Variants in SLC9A6 observed in about 807,000 individuals in gnomAD.
SLC9A6 encodes the protein solute carrier family 9 member A6.
In SLC9A6, 6 loss-of-function variants were observed where a neutral mutation model predicts 45.3. The observed-to-expected ratio is 0.13, with a 90% CI of 0.07 to 0.26. The LOEUF (loss-of-function observed/expected upper bound fraction) is 0.26, where lower values mean the gene tolerates loss of function less well. SLC9A6 is among the 10% of genes least tolerant of loss of function. The pLI is 1.00. For missense variants in SLC9A6, 278 were observed against 503.7 expected (o/e 0.55, Z 4.29); for synonymous variants, 191 against 187.7 (o/e 1.02, Z -0.14).
intron 16 of SLC9A6, among the ~76,000 whole-genome samples, chrX:136,034,284 C>T (rs1261995233): frequency 9.1e-6 from 1 of 110,001 alleles, no homozygotes; most frequent in Admixed American, 9.7e-5. Flanking sequence ...ACTGCACTTG[C>T]GAGGGATCTA....
At chrX:136,015,742 G>T (rs1793478213) in intron 10 of SLC9A6, among the ~76,000 whole-genome samples, 1 of 111,352 alleles carries the variant, frequency 9.0e-6, no homozygotes, top group Non-Finnish European at 1.9e-5. Context: ...TCATTTTTGG[G>T]TAATAAGGCA....
At chrX:136,039,034 T>A (rs1262876560) in intron 16 of SLC9A6, among the ~76,000 whole-genome samples, 1 of 111,121 alleles carries the variant, frequency 9.0e-6, no homozygotes, top group Non-Finnish European at 1.9e-5. Context: ...GACTTTCTCA[T>A]TTTTAACTGA....
rs781823089 is a variant in SLC9A6 at position 136,044,965 on chromosome X, G to T, written c.*241G>T. 7.5e-5 allele frequency: 28 copies of T among 375,303 alleles called. 1 individual carries two copies. Among genetic ancestry groups the T allele is most frequent in the Non-Finnish European group, 1.1e-4 (24 of 216,004 alleles). The allele number at this position is 375,303 out of a possible 1,213,427, so 30.9% of individuals were successfully genotyped here. ...TGTTTTAGGAAGTTACTTTCACAGT[G>T]ATGTTGTGTGTTCTGTTAGTTTTAT... On this transcript the variant is annotated 3_prime_UTR_variant, in exon 18 of 18. Transcript: ENST00000630721.
At chrX:136,014,860 A>G (rs1406703113) in intron 10 of SLC9A6, among the ~76,000 whole-genome samples, 1 of 113,037 alleles carries the variant, frequency 8.8e-6, no homozygotes, top group Non-Finnish European at 1.9e-5. Context: ...TTTAAGAAAT[A>G]TGAGGAATAG....
chrX:135,986,536 C>T (rs1317761641), intron 2 of SLC9A6, among the ~76,000 whole-genome samples: 1 of 111,171 alleles, frequency 9.0e-6, no homozygotes, highest in Admixed American at 9.6e-5. Flanking sequence ...TAAGGTCCTT[C>T]CAGAAGTATA....
At chrX:135,987,154 A>G (rs1400505793) in intron 2 of SLC9A6, among the ~76,000 whole-genome samples, 4 of 112,071 alleles carry the variant, frequency 3.6e-5, no homozygotes, top group African/African-American at 1.3e-4. Flanking sequence ...CGTGTAAAAT[A>G]TCTCTGCTCA....
At chrX:135,997,398 CTTTTTTTTTTTT>C (rs1180028983) in intron 3 of SLC9A6, among the ~76,000 whole-genome samples, 1 of 63,304 alleles carries the variant, frequency 1.6e-5, no homozygotes, top group Non-Finnish European at 2.9e-5. Flanking sequence ...CATGCTTTCT[CTTTTTTTTTTTT>C]TTTTTTTTTT....
chrX:135,989,932 G>A (rs781834944), intron 2 of SLC9A6, among the ~76,000 whole-genome samples: 2 of 111,238 alleles, frequency 1.8e-5, no homozygotes, highest in South Asian at 3.9e-4. Context: ...GTTTTGAGAC[G>A]CGTTAGGACC....
intron 15 of SLC9A6, among the ~76,000 whole-genome samples, chrX:136,030,627 T>C (rs1556621027): frequency 8.9e-6 from 1 of 111,763 alleles, no homozygotes; most frequent in Non-Finnish European, 1.9e-5. Flanking sequence ...CAGTCTTCCC[T>C]GCCTGCTCAG....
intron 14 of SLC9A6, 130 bp from the exon 15 acceptor site, chrX:136,030,002 G>C (rs2071291307): frequency 3.1e-6 from 2 of 654,256 alleles, no homozygotes; most frequent in African/African-American, 2.2e-5. Flanking sequence ...AACAGCTATA[G>C]AGAAGCAAGA....
intron 10 of SLC9A6, among the ~76,000 whole-genome samples, chrX:136,014,563 G>A (rs1170358100): frequency 4.4e-5 from 5 of 112,675 alleles, no homozygotes; most frequent in Non-Finnish European, 9.4e-5. Flanking sequence ...TCAGAAGTTC[G>A]AGACCAGCCT....
chrX:136,025,073 T>TA (rs1230094784), intron 13 of SLC9A6, among the ~76,000 whole-genome samples: 7 of 112,438 alleles, frequency 6.2e-5, no homozygotes, highest in Non-Finnish European at 1.3e-4. Context: ...CCAGGTCAGA[T>TA]AAAAAATTTG....
Position 135,985,474 on chromosome X carries a change from T to C in SLC9A6, c.-60T>C, listed in dbSNP as rs1057520373. On this transcript the variant is annotated 5_prime_UTR_variant, in exon 1 of 18. Coordinates refer to ENST00000630721, the MANE Select transcript of SLC9A6 (RefSeq NM_001379110.1). ...TGGTCCGACCGCGGGCGGCCGCCGG[T>C]GAGGTAGGGGCGGGAGGCGGGGGGA... 4.1e-5 allele frequency: 42 copies of C among 1,012,646 alleles called. No homozygotes were observed. In the Admixed American group the frequency reaches 1.2e-3, roughly 29 times the overall value. 83.5% of individuals were successfully genotyped at this position (1,012,646 alleles called of 1,213,427 possible). A position where few individuals can be genotyped will look rare whatever the true frequency, so the allele number is the denominator to read the frequency against.
rs2071177101 is a variant in SLC9A6, at chrX:136,023,654, G to A, written c.1307-676G>A. ...CAGGGGTTTGATGGAGTGACAAGAGGTTAGACTAAAAAAGGGTAATACAAA... is the reference window on the plus strand; with the variant it reads ...CAGGGGTTTGATGGAGTGACAAGAGATTAGACTAAAAAAGGGTAATACAAA... On this transcript the variant is annotated intron_variant, in intron 12 of 17. Transcript: ENST00000630721. Among the ~76,000 whole-genome samples, 7 of 110,006 alleles carry A rather than the reference G, an allele frequency of 6.4e-5. No individual in the cohort carries two copies. In the Admixed American group the frequency reaches 6.8e-4, roughly 11 times the overall value.
In SLC9A6 at chrX:135,989,166, G is replaced by A. The variant is rs566592786; in HGVS notation, c.169+3339G>A. Among the ~76,000 whole-genome samples, 12 of 111,264 alleles carry A rather than the reference G, an allele frequency of 1.1e-4. No homozygotes were observed. In the South Asian group the frequency reaches 4.5e-3, roughly 42 times the overall value. ...TTAAAAATAAGCTTTTCCTTTATCTGAGAAGCAGGAGTAAAAACAGTTTAA... is the reference window on the plus strand; with the variant it reads ...TTAAAAATAAGCTTTTCCTTTATCTAAGAAGCAGGAGTAAAAACAGTTTAA... On this transcript the variant is annotated intron_variant, in intron 2 of 17. Transcript: ENST00000630721.
intron 16 of SLC9A6, among the ~76,000 whole-genome samples, chrX:136,034,114 C>T (rs1418517700): frequency 9.1e-6 from 1 of 109,465 alleles, no homozygotes; most frequent in Non-Finnish European, 1.9e-5. Flanking sequence ...TCAGGGATCC[C>T]CAACTCCCGG....
At chrX:136,023,892 CTT>C (rs781986602) in intron 12 of SLC9A6, among the ~76,000 whole-genome samples, 2 of 104,284 alleles carry the variant, frequency 1.9e-5, no homozygotes. Context: ...TCTGTTTGTA[CTT>C]TTTTTTTTTT....
Position 136,010,646 on chromosome X carries a change from C to T in SLC9A6, c.885+63C>T, listed in dbSNP as rs782741820. ...AATATAGTAGTTGAATGCTGTATTCCGTTGTTTTTCCTAGTTCTATGATTA... is the reference window on the plus strand; with the variant it reads ...AATATAGTAGTTGAATGCTGTATTCTGTTGTTTTTCCTAGTTCTATGATTA... On this transcript the variant is annotated intron_variant, in intron 8 of 17. Coordinates refer to ENST00000630721, the MANE Select transcript of SLC9A6 (RefSeq NM_001379110.1). 1.7e-4 allele frequency: 175 copies of T among 1,020,625 alleles called. 2 individuals carry two copies. The African/African-American group carries it at 2.5e-3, about 15-fold the overall frequency. The allele number at this position is 1,020,625 out of a possible 1,213,427, so 84.1% of individuals were successfully genotyped here. A position where few individuals can be genotyped will look rare whatever the true frequency, so the allele number is the denominator to read the frequency against.
At chrX:136,022,781 T>C in intron 12 of SLC9A6, 84 bp downstream of exon 12, 1 of 510,107 alleles carries the variant, frequency 2.0e-6, no homozygotes. Context: ...TGAGATGTTA[T>C]GCTGGTCATA....
Sources: allele counts gnomAD v4.1 joint callset (sites outside exome capture counted in the v4.1 genomes callset), GRCh38; gene constraint gnomAD v4.1.1; transcripts MANE v1.5; gene names NCBI Gene and HGNC (gene_info 2026-07-23, HGNC 2026-07-21).